The following PELI1 variants were observed in gnomAD, a reference collection of about 807,000 sequenced individuals.
PELI1 encodes the protein E3 ubiquitin-protein ligase pellino homolog 1.
Under a neutral mutation model 41.3 loss-of-function variants are expected in PELI1, and 15 were observed. The observed-to-expected ratio is 0.36, with a 90% CI of 0.24 to 0.56. PELI1 has a LOEUF of 0.56. Ranked by LOEUF, PELI1 falls within the 20% of genes least tolerant of loss-of-function variation. The pLI is 0.82. For synonymous variants in PELI1, 178 were observed against 180.1 expected, an observed-to-expected ratio of 0.99 and a Z score of 0.09; for missense variants, 403 against 525.5, an observed-to-expected ratio of 0.77 and a Z score of 2.28.
intron 1 of PELI1, among the ~76,000 whole-genome samples, chr2:64,114,276 A>G (rs115577819): frequency 2.0e-3 from 312 of 152,312 alleles, no homozygotes; most frequent in African/African-American, 7.1e-3. Flanking sequence ...TTTGCGGTGG[A>G]ACCATTTTAT....
chr2:64,125,558 C>G (rs950451488), intron 1 of PELI1, among the ~76,000 whole-genome samples: 2 of 152,180 alleles, frequency 1.3e-5, no homozygotes, highest in Admixed American at 1.3e-4. Context: ...CATTACCAAA[C>G]CAACAGATTT....
In PELI1 at chr2:64,094,984, T is replaced by G. The variant is rs1220326947; in HGVS notation, c.975A>C (p.Glu325Asp). The change falls in exon 7 of 7, where the codon GAA (glutamate) becomes GAC (aspartate). Residue 325 changes from glutamate to aspartate, a missense_variant. Glu to Asp is a conservative substitution (Grantham distance 45, BLOSUM62 2). Transcript: ENST00000358912. ...GACATTCACGATCTTTTCCATCACGTTCTTCTTTGTTTCCCCAGTTATGAT... is the reference window on the plus strand; with the variant it reads ...GACATTCACGATCTTTTCCATCACGGTCTTCTTTGTTTCCCCAGTTATGAT... ...HGYHNWGNKE[E>D]RDGKDRECPM... 4 of 1,614,064 alleles carry G rather than the reference T, an allele frequency of 2.5e-6. No individual in the cohort carries two copies. Among genetic ancestry groups the G allele is most frequent in the African/African-American group, 1.3e-5 (1 of 74,932 alleles).
At chr2:64,099,596 TA>T (rs1174035416) in intron 4 of PELI1, among the ~76,000 whole-genome samples, 1 of 152,200 alleles carries the variant, frequency 6.6e-6, no homozygotes, top group Non-Finnish European at 1.5e-5. Context: ...TGACTGAAAT[TA>T]AATATATTTC....
chr2:64,096,841 G>A (rs1055040443), intron 4 of PELI1, among the ~76,000 whole-genome samples: 11 of 152,104 alleles, frequency 7.2e-5, no homozygotes, highest in Admixed American at 1.3e-4. Flanking sequence ...AATAATATAC[G>A]AAACCCTTAG....
intron 1 of PELI1, among the ~76,000 whole-genome samples, chr2:64,116,987 T>C (rs1013717549): frequency 6.6e-6 from 1 of 152,204 alleles, no homozygotes; most frequent in African/African-American, 2.4e-5. Context: ...TATAACTGTT[T>C]GGGGGTGCCC....
At chr2:64,095,444 A>G (rs1680201154) in intron 6 of PELI1, among the ~76,000 whole-genome samples, 176 bp from the exon 7 acceptor site, 1 of 152,252 alleles carries the variant, frequency 6.6e-6, no homozygotes, top group Non-Finnish European at 1.5e-5. Context: ...CAAGGATAAA[A>G]TATCAAACAT....
rs2103654851 is a variant in PELI1 at position 64,094,794 on chromosome 2, G to A, written c.1165C>T (p.His389Tyr). The A allele has an allele frequency of 1.2e-6, 2 of 1,614,138 alleles. No homozygotes were observed. Among genetic ancestry groups the A allele is most frequent in the East Asian group, 4.5e-5 (2 of 44,886 alleles). ...AAGGGACAGGCTGCATGAAAAGTAT[G>A]AGTACCATGAGGAAGTGGGATCTGG... ...WSQIPLPHGT[H>Y]TFHAACPFCA... is the part of the protein sequence containing the mutation. Residue 389 changes from histidine (H) to tyrosine (Y), a missense_variant, in exon 7 of 7, where the codon CAT becomes TAT. By Grantham distance (83) the His-to-Tyr change is moderately conservative. Transcript: ENST00000358912.
chr2:64,133,768 T>C (rs1440940563), intron 1 of PELI1, among the ~76,000 whole-genome samples: 2 of 152,024 alleles, frequency 1.3e-5, no homozygotes, highest in Non-Finnish European at 2.9e-5. Context: ...CCTTTTCATG[T>C]AATAGATAAT....
chr2:64,138,532 G>A (rs1681792583), intron 1 of PELI1, among the ~76,000 whole-genome samples: 1 of 152,088 alleles, frequency 6.6e-6, no homozygotes, highest in Non-Finnish European at 1.5e-5. Context: ...TTTCAGACCG[G>A]TCCGGCCAAC....
chr2:64,126,378 G>A (rs769178417), intron 1 of PELI1, among the ~76,000 whole-genome samples: 3 of 152,258 alleles, frequency 2.0e-5, no homozygotes, highest in South Asian at 2.1e-4. Context: ...TGGCCAGGAC[G>A]GTCACGATCT....
intron 1 of PELI1, among the ~76,000 whole-genome samples, chr2:64,125,281 A>G (rs569550780): frequency 2.0e-5 from 3 of 152,264 alleles, no homozygotes; most frequent in African/African-American, 7.2e-5. Context: ...GACCAGCCCC[A>G]TCCTGATGCC....
At position 64,096,628 on chromosome 2, in the gene PELI1, ATACCT is replaced by A; in HGVS notation, c.304-23_304-19del. On this transcript the variant is annotated intron_variant, in intron 4 of 6. Transcript: ENST00000358912. ...CGGCCAATCTGAGGGAAAAAAAAAA[ATACCT>A]ATAAACCCATTCAAAGAGCACAGTG... The A allele has an allele frequency of 6.5e-7, 1 of 1,528,996 alleles. No individual in the cohort carries two copies. Among genetic ancestry groups the A allele is most frequent in the Non-Finnish European group, 9.0e-7 (1 of 1,106,130 alleles). 94.7% of individuals were successfully genotyped at this position (1,528,996 alleles called of 1,614,324 possible).
Position 64,094,816 on chromosome 2 carries a change from C to T in PELI1, c.1143G>A (p.Gln381=). 1 of 1,614,188 alleles carries T rather than the reference C, an allele frequency of 6.2e-7. No homozygotes were observed. Among genetic ancestry groups the T allele is most frequent in the Non-Finnish European group, 8.5e-7 (1 of 1,180,022 alleles). ...TATGAGTACCATGAGGAAGTGGGATCTGGGACCAATAGGCAGTTGTCTTTT... is the reference window on the plus strand; with the variant it reads ...TATGAGTACCATGAGGAAGTGGGATTTGGGACCAATAGGCAGTTGTCTTTT... ...CSEKTTAYWS[Q]IPLPHGTHTF... The change falls in exon 7 of 7, where the codon CAG becomes CAA. Residue 381 remains glutamine (Q), a synonymous_variant. Transcript: ENST00000358912.
chr2:64,112,612 C>T (rs1485281131), intron 1 of PELI1, among the ~76,000 whole-genome samples: 1 of 152,164 alleles, frequency 6.6e-6, no homozygotes, highest in Non-Finnish European at 1.5e-5. Context: ...TTATCAGTGA[C>T]ATCAAAGTTT....
intron 1 of PELI1, among the ~76,000 whole-genome samples, chr2:64,116,822 A>G (rs1315993629): frequency 1.3e-5 from 2 of 152,214 alleles, no homozygotes; most frequent in Admixed American, 6.5e-5. Context: ...CTGCATGGCC[A>G]AGTCTATTGG....
intron 1 of PELI1, among the ~76,000 whole-genome samples, chr2:64,139,298 A>G (rs1377117690): frequency 1.3e-5 from 2 of 151,834 alleles, no homozygotes; most frequent in African/African-American, 2.4e-5. Flanking sequence ...TTTTTCTTTT[A>G]TTTATTTTTT....
chr2:64,133,674 A>C (rs1038204149), intron 1 of PELI1, among the ~76,000 whole-genome samples: 2 of 152,112 alleles, frequency 1.3e-5, no homozygotes, highest in African/African-American at 4.8e-5. Context: ...CCAGAACTCC[A>C]GGTCCCCTAA....
chr2:64,100,361 C>T (rs371082430), intron 4 of PELI1, 37 bp downstream of exon 4: 11 of 1,053,182 alleles, frequency 1.0e-5, no homozygotes, highest in African/African-American at 6.2e-5. Context: ...TTAACTTTTT[C>T]GTTTCTTAAG....
chr2:64,129,928 G>A (rs1461385014), intron 1 of PELI1, among the ~76,000 whole-genome samples: 1 of 152,160 alleles, frequency 6.6e-6, no homozygotes, highest in Non-Finnish European at 1.5e-5. Context: ...GCAAATCACT[G>A]ATTACCTCTC....
Sources: allele counts gnomAD v4.1 joint callset (sites outside exome capture counted in the v4.1 genomes callset), GRCh38; gene constraint gnomAD v4.1.1; transcripts MANE v1.5; gene names NCBI Gene and HGNC (gene_info 2026-07-23, HGNC 2026-07-21).